DDAH1: variants seen among roughly 807,000 people sequenced by gnomAD.
The protein encoded by DDAH1 is dimethylarginine dimethylaminohydrolase 1, also known as N(G),N(G)-dimethylarginine dimethylaminohydrolase 1.
DDAH1 carries 19 observed loss-of-function variants against 28.8 expected under a neutral mutation model. The ratio of observed to expected loss-of-function variants is 0.66; its 90% CI spans 0.46 to 0.97. The LOEUF (loss-of-function observed/expected upper bound fraction) is 0.97, where lower values mean the gene tolerates loss of function less well. DDAH1 is among the 50% of genes least tolerant of loss of function. The pLI is 0.00. For missense variants in DDAH1, 326 were observed against 375.9 expected (o/e 0.87, Z 1.10); for synonymous variants, 153 against 154.4 (o/e 0.99, Z 0.07).
At chr1:85,475,335 G>A (rs1210179411) in intron 2 of DDAH1, among the ~76,000 whole-genome samples, 1 of 152,204 alleles carries the variant, frequency 6.6e-6, no homozygotes, top group African/African-American at 2.4e-5. Flanking sequence ...GGAGAAGGGG[G>A]AGGAGGAGGG....
chr1:85,433,132 C>CT (rs1228380686), intron 1 of DDAH1, among the ~76,000 whole-genome samples: 2 of 152,014 alleles, frequency 1.3e-5, no homozygotes, highest in East Asian at 1.9e-4. Context: ...ATAATTTAAT[C>CT]TTTTTTTGTT....
chr1:85,498,092 A>G (rs1304908833), intron 1 of DDAH1, among the ~76,000 whole-genome samples: 2 of 152,214 alleles, frequency 1.3e-5, no homozygotes, highest in Admixed American at 1.3e-4. Context: ...TACAGTCTTA[A>G]AGTGGTTTCA....
intron 1 of DDAH1, among the ~76,000 whole-genome samples, chr1:85,520,079 G>A (rs1399369925): frequency 6.6e-6 from 1 of 151,918 alleles, no homozygotes; most frequent in African/African-American, 2.4e-5. Context: ...CCAATGTGTA[G>A]TCTTATATCC....
chr1:85,468,449 C>T (rs759016643), upstream of DDAH1, among the ~76,000 whole-genome samples: 34 of 151,548 alleles, frequency 2.2e-4, no homozygotes, highest in Admixed American at 5.9e-4. Context: ...ATAATTATGG[C>T]AGAAGACGAA....
At chr1:85,578,032 C>T in exon 1 of DDAH1, 1 of 985,482 alleles carries the variant, frequency 1.0e-6, no homozygotes, top group Non-Finnish European at 1.2e-6. Context: ...TTGGACTGAT[C>T]TGCGGCTCCC....
intron 1 of DDAH1, chr1:85,379,730 C>A (rs886987792): frequency 2.0e-6 from 2 of 983,366 alleles, no homozygotes; most frequent in African/African-American, 3.5e-5. Context: ...CCCAAACCTG[C>A]TGGCATCCTT....
intron 1 of DDAH1, among the ~76,000 whole-genome samples, chr1:85,371,464 G>A (rs1366473719): frequency 1.3e-5 from 2 of 152,134 alleles, no homozygotes; most frequent in African/African-American, 4.8e-5. Context: ...AATAGCCACT[G>A]CACTCCAGCC....
intron 1 of DDAH1, among the ~76,000 whole-genome samples, chr1:85,383,030 C>T (rs1217271116): frequency 6.6e-6 from 1 of 152,200 alleles, no homozygotes; most frequent in African/African-American, 2.4e-5. Context: ...CCTGCTGACA[C>T]AAGATTCATT....
chr1:85,511,274 C>T (rs1657220580), intron 1 of DDAH1, among the ~76,000 whole-genome samples: 1 of 152,084 alleles, frequency 6.6e-6, no homozygotes, highest in Admixed American at 6.5e-5. Context: ...GAAATGAAGG[C>T]AGAAATAAAG....
At chr1:85,407,082 C>G (rs1182529051) in intron 1 of DDAH1, among the ~76,000 whole-genome samples, 1 of 152,074 alleles carries the variant, frequency 6.6e-6, no homozygotes, top group Non-Finnish European at 1.5e-5. Context: ...TTCCTCCACA[C>G]ACATATTTCT....
intron 1 of DDAH1, among the ~76,000 whole-genome samples, chr1:85,577,382 A>G (rs969333694): frequency 1.3e-5 from 2 of 152,252 alleles, no homozygotes; most frequent in South Asian, 2.1e-4. Context: ...GCCACCTTAA[A>G]GCCGGTCTTT....
chr1:85,458,637 G>GA (rs1233538452), intron 1 of DDAH1, among the ~76,000 whole-genome samples: 1 of 151,980 alleles, frequency 6.6e-6, no homozygotes, highest in South Asian at 2.1e-4. Flanking sequence ...CCATTCAGAT[G>GA]AAAAGCCCCT....
chr1:85,474,879 G>A (rs2100707908), intron 2 of DDAH1, among the ~76,000 whole-genome samples: 1 of 152,276 alleles, frequency 6.6e-6, no homozygotes, highest in Admixed American at 6.5e-5. Flanking sequence ...AAATTGCTAT[G>A]GGAGAGTGGA....
At position 85,562,093 on chromosome 1, in the gene DDAH1, T is replaced by A. The variant is rs182096566; in HGVS notation, c.-123+15891A>T. Among the ~76,000 whole-genome samples, 460 of 152,244 alleles carry A rather than the reference T, an allele frequency of 3.0e-3. 2 individuals carry two copies. The highest frequency in any genetic ancestry group is 3.2e-3 in the Non-Finnish European group (217 of 68,018). On this transcript the variant is annotated intron_variant, in intron 1 of 6. Coordinates refer to the DDAH1 transcript ENST00000426972. The stretch of plus-strand genomic sequence containing the variant: ...AGATAGCATCATAGCAGCTAATTAC[T>A]ACAATTTTAAGTTTGAACCCCTTCT...
At chr1:85,364,952 TG>T (rs1649994211) in intron 1 of DDAH1, among the ~76,000 whole-genome samples, 1 of 152,174 alleles carries the variant, frequency 6.6e-6, no homozygotes, top group Non-Finnish European at 1.5e-5. Context: ...AAAAACATAT[TG>T]GGATCCTCTT....
At chr1:85,440,169 T>C (rs1164145672) in intron 1 of DDAH1, among the ~76,000 whole-genome samples, 6 of 152,256 alleles carry the variant, frequency 3.9e-5, no homozygotes, top group African/African-American at 1.4e-4. Context: ...ATCTGATATT[T>C]ATGAGCATTA....
Position 85,481,104 on chromosome 1 carries a change from T to TTG in DDAH1, c.-7+15061_-7+15062insCA, listed in dbSNP as rs1175876641. 1.5e-3 allele frequency among the ~76,000 whole-genome samples: 198 copies of TTG among 132,534 alleles called. 1 individual carries two copies. Among genetic ancestry groups the TTG allele is most frequent in the African/African-American group, 6.4e-3 (192 of 30,046 alleles). The allele number at this position is 132,534 out of a possible 152,430, so 86.9% of individuals were successfully genotyped here. The stretch of plus-strand genomic sequence containing the variant: ...TCATTTCTTTGGGTTTTTTGTTTTT[T>TTG]TTTTTTTTTTTGAGATGGAGTCTTG... On this transcript the variant is annotated intron_variant, in intron 2 of 6. Transcript: ENST00000426972.
chr1:85,343,460 T>TTAA (rs1408855660), intron 4 of DDAH1, among the ~76,000 whole-genome samples: 2 of 152,188 alleles, frequency 1.3e-5, no homozygotes, highest in Admixed American at 1.3e-4. Context: ...GTTTTGTGTT[T>TTAA]TAATTTCTTA....
In DDAH1 at chr1:85,521,266, G is replaced by A. The variant is rs565117962; in HGVS notation, c.-122-24985C>T. On this transcript the variant is annotated intron_variant, in intron 1 of 6. Coordinates refer to the DDAH1 transcript ENST00000426972. ...GGAAACTTGAGTCCGTCCAGATCTCGTGGCTTACAGCCCAAGGCACCTGTG... is the reference window on the plus strand; with the variant it reads ...GGAAACTTGAGTCCGTCCAGATCTCATGGCTTACAGCCCAAGGCACCTGTG... 2.9e-4 allele frequency among the ~76,000 whole-genome samples: 44 copies of A among 151,562 alleles called. No homozygotes were observed. In the East Asian group the frequency reaches 8.2e-3, roughly 28 times the overall value.
Sources: allele counts gnomAD v4.1 joint callset (sites outside exome capture counted in the v4.1 genomes callset), GRCh38; gene constraint gnomAD v4.1.1; transcripts MANE v1.5; gene names NCBI Gene and HGNC (gene_info 2026-07-23, HGNC 2026-07-21).